Variants in ZNF536 observed in about 807,000 individuals in gnomAD.
ZNF536 encodes the protein zinc finger protein 536.
ZNF536 carries 13 observed loss-of-function variants against 84.5 expected under a neutral mutation model. The observed-to-expected ratio is 0.15, with a 90% CI of 0.10 to 0.24. The LOEUF (loss-of-function observed/expected upper bound fraction) is 0.24. Ranked by LOEUF, ZNF536 falls within the 10% of genes least tolerant of loss-of-function variation. The pLI is 1.00. For missense variants in ZNF536, 1,536 were observed against 1,747.5 expected, an observed-to-expected ratio of 0.88 and a Z score of 2.16; for synonymous variants, 811 against 742.5, an observed-to-expected ratio of 1.09 and a Z score of -1.50.
chr19:30,387,951 G>T (rs1346260182), intron 1 of ZNF536, among the ~76,000 whole-genome samples: 1 of 152,164 alleles, frequency 6.6e-6, no homozygotes, highest in African/African-American at 2.4e-5. Context: ...GATGAGCCAG[G>T]CACCAGCTGG....
upstream of ZNF536, among the ~76,000 whole-genome samples, chr19:30,367,591 C>T (rs985478605): frequency 1.3e-5 from 2 of 152,178 alleles, no homozygotes; most frequent in African/African-American, 4.8e-5. Flanking sequence ...GCTTTCTCTA[C>T]CAGCTGGATA....
chr19:30,667,203 C>T (rs1228522476), intron 1 of ZNF536, among the ~76,000 whole-genome samples: 2 of 152,214 alleles, frequency 1.3e-5, no homozygotes, highest in African/African-American at 2.4e-5. Context: ...GCACCAGGTA[C>T]TGTCTCCATC....
At chr19:30,384,548 C>T (rs1336018757) in intron 1 of ZNF536, among the ~76,000 whole-genome samples, 1 of 151,334 alleles carries the variant, frequency 6.6e-6, no homozygotes, top group Non-Finnish European at 1.5e-5. Context: ...TGGGTGGGAC[C>T]CTGCTTTGGT....
chr19:30,651,248 G>A (rs1237818252), intron 1 of ZNF536, among the ~76,000 whole-genome samples: 1 of 152,202 alleles, frequency 6.6e-6, no homozygotes, highest in Non-Finnish European at 1.5e-5. Flanking sequence ...GGAGGTGCCT[G>A]TATTTCCTAG....
intron 2 of ZNF536, among the ~76,000 whole-genome samples, chr19:30,464,548 T>A (rs1400236065): frequency 2.0e-5 from 3 of 151,952 alleles, no homozygotes; most frequent in Non-Finnish European, 4.4e-5. Context: ...AATCATGGGA[T>A]CATGATTTTC....
chr19:30,409,099 A>G (rs974988209), intron 1 of ZNF536, among the ~76,000 whole-genome samples: 3 of 151,960 alleles, frequency 2.0e-5, no homozygotes, highest in African/African-American at 7.3e-5. Context: ...TCCATCATTA[A>G]TCCATTATCA....
Position 30,617,839 on chromosome 19 carries a change from T to A in ZNF536, c.169+68325T>A, listed in dbSNP as rs116764847. On this transcript the variant is annotated intron_variant, in intron 1 of 1. Transcript: ENST00000592773. ...TTGTCTTCTATTTTAAGAATTAATATCTAAATCCATATACATCCTACACAG... is the reference window on the plus strand; with the variant it reads ...TTGTCTTCTATTTTAAGAATTAATAACTAAATCCATATACATCCTACACAG... 2.8e-3 allele frequency among the ~76,000 whole-genome samples: 422 copies of A among 152,348 alleles called. 2 individuals carry two copies. Among genetic ancestry groups the A allele is most frequent in the African/African-American group, 9.2e-3 (382 of 41,570 alleles).
intron 2 of ZNF536, among the ~76,000 whole-genome samples, chr19:30,321,515 G>A (rs895378289): frequency 1.3e-5 from 2 of 152,070 alleles, no homozygotes; most frequent in Non-Finnish European, 1.5e-5. Context: ...CCGAGACCAC[G>A]CCACTGCACG....
intron 1 of ZNF536, among the ~76,000 whole-genome samples, chr19:30,380,422 C>T (rs1439440196): frequency 6.6e-6 from 1 of 152,148 alleles, no homozygotes; most frequent in Non-Finnish European, 1.5e-5. Flanking sequence ...CCCAGCCAGG[C>T]CCACGAGCAC....
chr19:30,441,137 G>A (rs2052027348), intron 1 of ZNF536, among the ~76,000 whole-genome samples: 1 of 152,176 alleles, frequency 6.6e-6, no homozygotes, highest in Non-Finnish European at 1.5e-5. Context: ...CCCTCCTGCT[G>A]AATTGGCGTC....
At chr19:30,653,863 G>A (rs2049803541) in intron 1 of ZNF536, among the ~76,000 whole-genome samples, 2 of 152,214 alleles carry the variant, frequency 1.3e-5, no homozygotes, top group Non-Finnish European at 2.9e-5. Flanking sequence ...CACACACAGG[G>A]CATGTGCAAT....
chr19:30,603,919 G>A (rs1409216572), intron 1 of ZNF536, among the ~76,000 whole-genome samples: 3 of 152,130 alleles, frequency 2.0e-5, no homozygotes, highest in African/African-American at 4.8e-5. Flanking sequence ...GTGAAACCCA[G>A]TCTCTACTAA....
At position 30,611,350 on chromosome 19, in the gene ZNF536, T is replaced by C. The variant is rs115514559; in HGVS notation, c.169+61836T>C. On this transcript the variant is annotated intron_variant, in intron 1 of 1. Transcript: ENST00000592773. ...CTGAAGTGGGGGACCTCAAAGCCACTCAGTTTGCAAACAGGCATCCCAGAA... is the reference window on the plus strand; with the variant it reads ...CTGAAGTGGGGGACCTCAAAGCCACCCAGTTTGCAAACAGGCATCCCAGAA... Among the ~76,000 whole-genome samples the C allele has an allele frequency of 4.2e-3, 645 of 152,186 alleles. 2 individuals are homozygous for C. Among genetic ancestry groups the C allele is most frequent in the African/African-American group, 0.014 (602 of 41,540 alleles).
chr19:30,484,141 A>G (rs1349847300), intron 2 of ZNF536, among the ~76,000 whole-genome samples: 1 of 151,746 alleles, frequency 6.6e-6, no homozygotes, highest in East Asian at 1.9e-4. Flanking sequence ...GACCACCTGG[A>G]CACACTCCAT....
intron 1 of ZNF536, among the ~76,000 whole-genome samples, chr19:30,581,673 C>T (rs913804521): frequency 2.6e-5 from 4 of 152,160 alleles, no homozygotes; most frequent in African/African-American, 9.6e-5. Flanking sequence ...CGCAATGGCT[C>T]ACCCCTGTAA....
rs566157414 is a variant in ZNF536 at position 30,314,909 on chromosome 19, C to G, written c.-120+30768C>G. On this transcript the variant is annotated intron_variant, in intron 2 of 5. Transcript: ENST00000585628. ...GTACCCAGCCCCGATCCCCCACCCA[C>G]TGGCCCCACTCTCCCTGCTGGCTCT... 5.2e-4 allele frequency among the ~76,000 whole-genome samples: 79 copies of G among 152,294 alleles called. No homozygotes were observed. In the Middle Eastern group the frequency reaches 0.01, roughly 20 times the overall value.
intron 1 of ZNF536, among the ~76,000 whole-genome samples, chr19:30,666,008 C>T (rs546817384): frequency 1.3e-5 from 2 of 152,282 alleles, no homozygotes; most frequent in Non-Finnish European, 2.9e-5. Flanking sequence ...AGGCTGGGGC[C>T]CCTGCAGCCC....
intron 1 of ZNF536, among the ~76,000 whole-genome samples, chr19:30,386,608 G>A (rs1029321148): frequency 6.6e-6 from 1 of 152,214 alleles, no homozygotes; most frequent in Non-Finnish European, 1.5e-5. Flanking sequence ...GAACTCCAGA[G>A]CTCGAGCAAT....
At chr19:30,292,454 C>T (rs187728891) in intron 2 of ZNF536, among the ~76,000 whole-genome samples, 60 of 152,160 alleles carry the variant, frequency 3.9e-4, no homozygotes, top group African/African-American at 1.4e-3. Flanking sequence ...TTGTCTCAGC[C>T]TCCCAAGTAG....
Sources: allele counts gnomAD v4.1 joint callset (sites outside exome capture counted in the v4.1 genomes callset), GRCh38; gene constraint gnomAD v4.1.1; transcripts MANE v1.5; gene names NCBI Gene and HGNC (gene_info 2026-07-23, HGNC 2026-07-21).